Variants in EXOC4 observed in about 807,000 individuals in gnomAD.
The protein encoded by EXOC4 is exocyst complex component 4.
Under a neutral mutation model 107.2 loss-of-function variants are expected in EXOC4, and 71 were observed. That is an observed-to-expected ratio of 0.66 (90% confidence interval 0.55 to 0.81). EXOC4 has a LOEUF of 0.81. Ranked by LOEUF, EXOC4 falls within the 30% of genes least tolerant of loss-of-function variation. The probability of loss-of-function intolerance (pLI) is 0.00; values close to 1 mark genes in which losing one functional copy is unlikely to be tolerated. For missense variants in EXOC4, 1,108 were observed against 1,189.6 expected (o/e 0.93, Z 1.01); for synonymous variants, 456 against 441.2 (o/e 1.03, Z -0.42).
At chr7:134,019,016 G>A (rs1049402285) in intron 17 of EXOC4, among the ~76,000 whole-genome samples, 3 of 151,940 alleles carry the variant, frequency 2.0e-5, no homozygotes, top group South Asian at 2.1e-4. Flanking sequence ...TGCAACCTCC[G>A]CCTCCCAGGT....
intron 10 of EXOC4, among the ~76,000 whole-genome samples, chr7:133,688,462 T>C (rs1465912646): frequency 6.6e-6 from 1 of 152,118 alleles, no homozygotes; most frequent in Non-Finnish European, 1.5e-5. Flanking sequence ...GAAATGACAG[T>C]ATAGTGATGA....
chr7:133,366,449 A>T (rs1796250947), intron 6 of EXOC4, among the ~76,000 whole-genome samples: 1 of 152,096 alleles, frequency 6.6e-6, no homozygotes, highest in Non-Finnish European at 1.5e-5. Context: ...TCATCCTGTT[A>T]CTTTTCTGTT....
chr7:133,522,005 A>G (rs1799990921), intron 9 of EXOC4, among the ~76,000 whole-genome samples: 1 of 151,644 alleles, frequency 6.6e-6, no homozygotes, highest in Admixed American at 6.6e-5. Context: ...TTTAAACTGG[A>G]TTTGAGTAGT....
At chr7:133,943,554 T>C (rs1397335088) in intron 14 of EXOC4, among the ~76,000 whole-genome samples, 2 of 152,196 alleles carry the variant, frequency 1.3e-5, no homozygotes, top group Non-Finnish European at 2.9e-5. Flanking sequence ...CCAGCGTATC[T>C]CACGGGGCTT....
intron 5 of EXOC4, among the ~76,000 whole-genome samples, chr7:133,324,337 TG>T (rs1310779640): frequency 1.3e-5 from 2 of 152,234 alleles, no homozygotes; most frequent in African/African-American, 4.8e-5. Context: ...TGCTTTCTCT[TG>T]TGGGCATTTA....
rs192222863 is a variant in EXOC4 at position 133,378,899 on chromosome 7, C to T, written c.1182+3897C>T. Among the ~76,000 whole-genome samples, 54 of 152,024 alleles carry T rather than the reference C, an allele frequency of 3.6e-4. 1 individual carries two copies. The South Asian group carries it at 0.01, about 29-fold the overall frequency. The stretch of plus-strand genomic sequence containing the variant: ...ATCAATAATTACATTAGACATAAAT[C>T]GACCAGATACTCCAGTTGAAAGACA... On this transcript the variant is annotated intron_variant, in intron 7 of 17. Transcript: ENST00000253861.
chr7:133,457,169 A>G lies in EXOC4; in HGVS notation c.1183-18159A>G, dbSNP rs1412399852. 3.3e-5 allele frequency among the ~76,000 whole-genome samples: 5 copies of G among 152,216 alleles called. No individual in the cohort carries two copies. The East Asian group carries it at 9.6e-4, about 29-fold the overall frequency. On this transcript the variant is annotated intron_variant, in intron 7 of 17. Coordinates refer to ENST00000253861, the MANE Select transcript of EXOC4 (RefSeq NM_021807.4). ...AAATGACATGGCTTTTCAGAATAGT[A>G]GGACTCAATGAATAAAGGCACAGAT...
At chr7:133,822,543 G>T (rs1432373225) in intron 11 of EXOC4, among the ~76,000 whole-genome samples, 1 of 152,128 alleles carries the variant, frequency 6.6e-6, no homozygotes, top group African/African-American at 2.4e-5. Context: ...GTGTTCTGTG[G>T]CCAAGAGCAT....
At chr7:133,640,237 T>C (rs1412004997) in intron 10 of EXOC4, among the ~76,000 whole-genome samples, 5 of 152,172 alleles carry the variant, frequency 3.3e-5, no homozygotes, top group Admixed American at 6.5e-5. Context: ...TTGTGAATTC[T>C]ATCCCTACAG....
intron 6 of EXOC4, among the ~76,000 whole-genome samples, chr7:133,368,236 G>A (rs1796288689): frequency 6.6e-6 from 1 of 152,210 alleles, no homozygotes; most frequent in Non-Finnish European, 1.5e-5. Flanking sequence ...TGGAGGGACT[G>A]TAGAATCACA....
intron 9 of EXOC4, among the ~76,000 whole-genome samples, chr7:133,524,898 A>G (rs1157974643): frequency 6.6e-6 from 1 of 152,176 alleles, no homozygotes; most frequent in Non-Finnish European, 1.5e-5. Flanking sequence ...CTTATAAACT[A>G]CTATTTCAAG....
At chr7:133,687,181 T>TA (rs1329481778) in intron 10 of EXOC4, among the ~76,000 whole-genome samples, 15 of 152,128 alleles carry the variant, frequency 9.9e-5, no homozygotes, top group African/African-American at 3.4e-4. Flanking sequence ...GTGAAGTTCT[T>TA]ACTCAAAAAT....
At chr7:133,787,145 G>GT (rs1796586707) in intron 10 of EXOC4, among the ~76,000 whole-genome samples, 1 of 144,120 alleles carries the variant, frequency 6.9e-6, no homozygotes, top group Non-Finnish European at 1.5e-5. Context: ...TTTTTTTCTT[G>GT]TTTTTTCTTT....
intron 9 of EXOC4, among the ~76,000 whole-genome samples, chr7:133,553,657 TC>T (rs1338377766): frequency 1.3e-5 from 2 of 152,196 alleles, no homozygotes; most frequent in African/African-American, 4.8e-5. Flanking sequence ...TAATTTTTTT[TC>T]CTCTTTTGCC....
intron 10 of EXOC4, among the ~76,000 whole-genome samples, chr7:133,707,398 A>T (rs1794791177): frequency 6.6e-6 from 1 of 151,950 alleles, no homozygotes; most frequent in Non-Finnish European, 1.5e-5. Context: ...ATCAAAAGAA[A>T]ATAAAAGATG....
At chr7:133,255,832 A>G (rs968817098) in intron 1 of EXOC4, among the ~76,000 whole-genome samples, 7 of 152,138 alleles carry the variant, frequency 4.6e-5, no homozygotes, top group Non-Finnish European at 8.8e-5. Context: ...GGGATGGGGA[A>G]TGGGGGGAGA....
chr7:134,088,251 C>T, the EXOC4 span, among the ~76,000 whole-genome samples: 4 of 152,158 alleles, frequency 2.6e-5, no homozygotes, highest in Non-Finnish European at 5.9e-5. Flanking sequence ...GGTAAAATAA[C>T]CAGTTTTTCC....
chr7:133,984,042 A>G (rs1285114384), intron 14 of EXOC4, among the ~76,000 whole-genome samples: 3 of 152,232 alleles, frequency 2.0e-5, no homozygotes, highest in African/African-American at 7.2e-5. Flanking sequence ...ACTGAAAGAC[A>G]CTGAAGTCTG....
chr7:133,733,648 A>G (rs1795376746), intron 10 of EXOC4: 2 of 152,232 alleles, frequency 1.3e-5, no homozygotes, highest in Admixed American at 6.5e-5. Context: ...GTTAATGTAT[A>G]TGGCATTTGG....
Sources: gnomAD v4.1 joint callset for allele counts (sites outside exome capture counted in the v4.1 genomes callset) on GRCh38, gnomAD v4.1.1 for gene constraint, MANE v1.5 for transcripts, NCBI Gene and HGNC (gene_info 2026-07-23, HGNC 2026-07-21) for gene names.